MARCHF7: variants seen among roughly 807,000 people sequenced by gnomAD.
The protein encoded by MARCHF7 is membrane associated ring-CH-type finger 7.
MARCHF7 carries 20 observed loss-of-function variants against 76.5 expected under a neutral mutation model. The ratio of observed to expected loss-of-function variants is 0.26; its 90% CI spans 0.18 to 0.38. MARCHF7 has a LOEUF of 0.38. MARCHF7 is among the 10% of genes least tolerant of loss of function. MARCHF7 has a pLI of 1.00. For synonymous variants in MARCHF7, 295 were observed against 293.0 expected (o/e 1.01, Z -0.07); for missense variants, 797 against 812.9 (o/e 0.98, Z 0.24).
At chr2:159,713,017 G>A (rs886337212) in intron 1 of MARCHF7, among the ~76,000 whole-genome samples, 13 of 152,250 alleles carry the variant, frequency 8.5e-5, no homozygotes, top group African/African-American at 2.9e-4. Flanking sequence ...CGGGCCGCGG[G>A]TGTCGCGCGT....
chr2:159,764,766 A>G (rs1707559669), intron 11 of MARCHF7, 92 bp downstream of exon 11: 1 of 862,456 alleles, frequency 1.2e-6, no homozygotes, highest in Non-Finnish European at 1.8e-6. Context: ...GTTCTGCCAA[A>G]TTAGAGCTCA....
intron 9 of MARCHF7, among the ~76,000 whole-genome samples, chr2:159,760,582 C>T (rs1411353099): frequency 6.6e-6 from 1 of 152,176 alleles, no homozygotes; most frequent in Non-Finnish European, 1.5e-5. Context: ...AAAGTGGAAT[C>T]ATGGAGAGAT....
intron 3 of MARCHF7, among the ~76,000 whole-genome samples, chr2:159,723,623 G>T (rs951275367): frequency 6.6e-6 from 1 of 151,860 alleles, no homozygotes; most frequent in African/African-American, 2.4e-5. Flanking sequence ...GTTTTTCATT[G>T]TTTCCTACCA....
At chr2:159,716,327 G>A (rs1035761575) in intron 3 of MARCHF7, among the ~76,000 whole-genome samples, 1 of 151,820 alleles carries the variant, frequency 6.6e-6, no homozygotes, top group African/African-American at 2.4e-5. Context: ...GTAACTGCGT[G>A]TTTGTATTTC....
Position 159,768,868 on chromosome 2 carries a change from A to C in MARCHF7, c.*1526A>C, listed in dbSNP as rs1229681674. The C allele has an allele frequency of 1.3e-5, 2 of 152,160 alleles. No individual in the cohort carries two copies. The highest frequency in any genetic ancestry group is 2.1e-4 in the South Asian group (1 of 4,830). 9.4% of individuals were successfully genotyped at this position (152,160 alleles called of 1,614,324 possible). On this transcript the variant is annotated 3_prime_UTR_variant, in exon 12 of 12. Coordinates refer to ENST00000409175, the MANE Select transcript of MARCHF7 (RefSeq NM_001282805.2). Reference sequence around the variant, plus strand: ...CAGTTGTCTTCTGCTTAACCCATAAAACTTTATTTAAAAAATTTAACTAGA... The same window carrying C: ...CAGTTGTCTTCTGCTTAACCCATAACACTTTATTTAAAAAATTTAACTAGA...
chr2:159,748,502 G>C lies in MARCHF7; in HGVS notation c.1212G>C (p.Glu404Asp), dbSNP rs1574369089. The change falls in exon 7 of 12, where the codon GAG becomes GAC. Residue 404 changes from glutamate (E) to aspartate (D), a missense_variant. This residue lies in a region of MARCHF7 where 643 missense variants were observed against 631.5 expected (regional missense o/e 1.02). Coordinates refer to ENST00000409175, the MANE Select transcript of MARCHF7 (RefSeq NM_001282805.2). ...CTPLFSRRRREGRDESSRIPT... is the reference protein window; with the variant it reads ...CTPLFSRRRRDGRDESSRIPT... Reference sequence around the variant, plus strand: ...CTTTGTTCTCTAGAAGGAGGCGAGAGGGAAGAGATGAATCTTCAAGGATAC... The same window carrying C: ...CTTTGTTCTCTAGAAGGAGGCGAGACGGAAGAGATGAATCTTCAAGGATAC... 3 of 1,614,068 alleles carry C rather than the reference G, an allele frequency of 1.9e-6. No individual in the cohort carries two copies. The Middle Eastern group carries it at 4.9e-4, about 266-fold the overall frequency.
At chr2:159,766,295 A>C (rs1258968048) in intron 11 of MARCHF7, among the ~76,000 whole-genome samples, 2 of 152,116 alleles carry the variant, frequency 1.3e-5, no homozygotes, top group Non-Finnish European at 2.9e-5. Flanking sequence ...TTAACAGTAG[A>C]GTTTATTATC....
chr2:159,759,687 A>G (rs536096310), intron 9 of MARCHF7, among the ~76,000 whole-genome samples: 52 of 152,226 alleles, frequency 3.4e-4, no homozygotes, highest in African/African-American at 1.2e-3. Flanking sequence ...GCAGATGTGT[A>G]TTTAAGGAGA....
intron 6 of MARCHF7, among the ~76,000 whole-genome samples, chr2:159,747,219 G>A (rs908343495): frequency 6.6e-6 from 1 of 151,872 alleles, no homozygotes; most frequent in Non-Finnish European, 1.5e-5. Context: ...TATAACACAC[G>A]TAATTCTAAA....
At chr2:159,761,284 A>G (rs919414654) in intron 9 of MARCHF7, among the ~76,000 whole-genome samples, 2 of 151,940 alleles carry the variant, frequency 1.3e-5, no homozygotes, top group African/African-American at 4.8e-5. Flanking sequence ...TCGGCCTCCC[A>G]AAGTGCTGGG....
intron 2 of MARCHF7, 41 bp from the exon 3 acceptor site, chr2:159,715,640 C>G (rs1349445226): frequency 1.3e-5 from 2 of 152,308 alleles, no homozygotes; most frequent in East Asian, 1.9e-4. Context: ...GTGTGAGTCA[C>G]TGCATGCTGG....
chr2:159,754,292 T>C (rs1443200608), intron 8 of MARCHF7, among the ~76,000 whole-genome samples: 1 of 152,122 alleles, frequency 6.6e-6, no homozygotes, highest in African/African-American at 2.4e-5. Context: ...AGAAAATGTG[T>C]TGTGCAAGCC....
intron 3 of MARCHF7, among the ~76,000 whole-genome samples, chr2:159,727,970 T>G (rs552520404): frequency 6.6e-6 from 1 of 152,260 alleles, no homozygotes; most frequent in South Asian, 2.1e-4. Flanking sequence ...TAACATTTTG[T>G]TTTTTTCTTA....
intron 10 of MARCHF7, among the ~76,000 whole-genome samples, chr2:159,763,626 C>T (rs935636638): frequency 6.6e-6 from 1 of 152,154 alleles, no homozygotes; most frequent in African/African-American, 2.4e-5. Context: ...CTCTATGTAT[C>T]TGCCATTATT....
chr2:159,759,486 G>T, intron 9 of MARCHF7, 151 bp downstream of exon 9: 1 of 396,350 alleles, frequency 2.5e-6, no homozygotes, highest in Non-Finnish European at 4.5e-6. Context: ...TACTGCATTA[G>T]GTGTTAGAAT....
intron 10 of MARCHF7, among the ~76,000 whole-genome samples, chr2:159,764,245 T>C (rs868677468): frequency 2.0e-5 from 3 of 148,164 alleles, no homozygotes; most frequent in African/African-American, 7.7e-5. Context: ...TGTGTGTGTG[T>C]GTGTGTGTGT....
At chr2:159,758,123 G>A (rs1051430212) in intron 8 of MARCHF7, among the ~76,000 whole-genome samples, 21 of 152,088 alleles carry the variant, frequency 1.4e-4, no homozygotes, top group African/African-American at 5.1e-4. Context: ...AATGTTAGTT[G>A]AATTGAATTT....
chr2:159,717,779 A>G (rs1396421373), intron 3 of MARCHF7, among the ~76,000 whole-genome samples: 1 of 152,236 alleles, frequency 6.6e-6, no homozygotes, highest in Non-Finnish European at 1.5e-5. Flanking sequence ...TATAAAGAAG[A>G]AAAAACACAT....
intron 7 of MARCHF7, among the ~76,000 whole-genome samples, chr2:159,749,468 C>T (rs1467086630): frequency 6.6e-6 from 1 of 152,104 alleles, no homozygotes; most frequent in Middle Eastern, 3.2e-3. Context: ...CTGCCTCAGC[C>T]TCCCAAGTAG....
Sources: gnomAD v4.1 joint callset for allele counts (sites outside exome capture counted in the v4.1 genomes callset) on GRCh38, gnomAD v4.1.1 for gene constraint, gnomAD v4.1.1 regional missense constraint, MANE v1.5 for transcripts, NCBI Gene and HGNC (gene_info 2026-07-23, HGNC 2026-07-21) for gene names.